ANKRD30B: variants seen among roughly 807,000 people sequenced by gnomAD.
The protein encoded by ANKRD30B is ankyrin repeat domain 30B.
ANKRD30B carries 144 observed loss-of-function variants against 202.2 expected under a neutral mutation model. The observed-to-expected ratio is 0.71, with a 90% CI of 0.62 to 0.82. The LOEUF is 0.82. Among genes scored for constraint, ANKRD30B ranks in the 40% least tolerant of loss-of-function variants. The pLI, the probability that ANKRD30B is intolerant of heterozygous loss-of-function variation, is 0.00. For missense variants in ANKRD30B, 1,487 were observed against 1,669.1 expected (o/e 0.89, Z 1.90); for synonymous variants, 508 against 561.3 (o/e 0.91, Z 1.34).
chr18:14,830,013 T>C (rs897537863), intron 33 of ANKRD30B, among the ~76,000 whole-genome samples: 8 of 152,186 alleles, frequency 5.3e-5, no homozygotes, highest in African/African-American at 1.7e-4. Context: ...GGAGCTTCAG[T>C]TGGGTTTTTG....
intron 30 of ANKRD30B, among the ~76,000 whole-genome samples, chr18:14,821,654 C>A (rs1315843368): frequency 6.6e-6 from 1 of 152,082 alleles, no homozygotes; most frequent in South Asian, 2.1e-4. Flanking sequence ...GACAGGGTTT[C>A]GCTATTTTGG....
At chr18:14,933,037 G>A in the ANKRD30B span, among the ~76,000 whole-genome samples, 3 of 152,320 alleles carry the variant, frequency 2.0e-5, no homozygotes, top group African/African-American at 7.2e-5. Context: ...TTGTTTCGTT[G>A]TGTGGCTAAG....
At chr18:14,916,297 G>A in the ANKRD30B span, among the ~76,000 whole-genome samples, 79 of 152,348 alleles carry the variant, frequency 5.2e-4, 2 homozygotes, top group East Asian at 0.014. Context: ...GGGGGCAGAT[G>A]TGTGTAGTTC....
chr18:14,910,306 C>T, the ANKRD30B span, among the ~76,000 whole-genome samples: 1 of 152,058 alleles, frequency 6.6e-6, no homozygotes, highest in African/African-American at 2.4e-5. Flanking sequence ...CACTGTTCAG[C>T]TCCCACTCAT....
rs1179692240 is a variant in ANKRD30B at position 14,757,889 on chromosome 18, T to C, written c.692T>C (p.Val231Ala). The C allele has an allele frequency of 6.2e-7, 1 of 1,613,008 alleles. No homozygotes were observed. The highest frequency in any genetic ancestry group is 2.2e-5 in the East Asian group (1 of 44,836). The stretch of plus-strand genomic sequence containing the variant: ...ATGCTTCTTCAGCAAAATGTTGACG[T>C]CTTTGCTGAAGACATACATGGAATA... ...VGMLLQQNVDVFAEDIHGITA... is the reference protein window; with the variant it reads ...VGMLLQQNVDAFAEDIHGITA... Residue 231 changes from valine (V) to alanine (A), a missense_variant, in exon 5 of 44, where the codon GTC becomes GCC. Val to Ala is a moderately conservative substitution (Grantham distance 64). Coordinates refer to ENST00000690538, the MANE Select transcript of ANKRD30B (RefSeq NM_001367607.2).
chr18:14,849,792 A>C (rs1046034375), intron 40 of ANKRD30B, among the ~76,000 whole-genome samples: 1 of 151,706 alleles, frequency 6.6e-6, no homozygotes, highest in African/African-American at 2.4e-5. Flanking sequence ...ATAAGTAGAA[A>C]TATTTATGTC....
At chr18:14,908,841 T>C in the ANKRD30B span, among the ~76,000 whole-genome samples, 2 of 152,224 alleles carry the variant, frequency 1.3e-5, no homozygotes, top group East Asian at 3.9e-4. Flanking sequence ...TATGGGAGGA[T>C]GTGGAGCTGG....
the ANKRD30B span, among the ~76,000 whole-genome samples, chr18:14,922,603 CA>C: frequency 7.1e-6 from 1 of 141,606 alleles, no homozygotes; most frequent in South Asian, 2.2e-4. Context: ...TGCAGTGAGC[CA>C]AGATCGCGCC....
chr18:14,796,300 G>C (rs752006265), intron 17 of ANKRD30B, 43 bp from the exon 18 acceptor site: 6 of 1,609,598 alleles, frequency 3.7e-6, no homozygotes, highest in Non-Finnish European at 5.1e-6. Flanking sequence ...ATTTTAGGAA[G>C]CATATATTAT....
downstream of ANKRD30B, among the ~76,000 whole-genome samples, chr18:14,858,600 T>G (rs1422924010): frequency 3.8e-5 from 4 of 106,596 alleles, no homozygotes; most frequent in Non-Finnish European, 7.8e-5. Context: ...TGCTCCTCAT[T>G]TCCCAGATGG....
intron 12 of ANKRD30B, among the ~76,000 whole-genome samples, chr18:14,783,882 C>T (rs886707486): frequency 3.9e-5 from 6 of 151,986 alleles, no homozygotes; most frequent in Admixed American, 3.9e-4. Flanking sequence ...TATATCCAAG[C>T]TGATCAATTC....
At chr18:14,875,157 G>A in the ANKRD30B span, among the ~76,000 whole-genome samples, 2 of 152,192 alleles carry the variant, frequency 1.3e-5, 1 homozygote, top group South Asian at 4.1e-4. Flanking sequence ...GCTCAAGGGA[G>A]CAGAAGAGCA....
chr18:14,783,270 C>T (rs1311382758), intron 12 of ANKRD30B, among the ~76,000 whole-genome samples: 1 of 152,086 alleles, frequency 6.6e-6, no homozygotes, highest in East Asian at 1.9e-4. Context: ...CTTGGTAATA[C>T]ACAGTATCAT....
intron 24 of ANKRD30B, among the ~76,000 whole-genome samples, chr18:14,805,811 A>C (rs535239599): frequency 6.7e-6 from 1 of 149,978 alleles, no homozygotes; most frequent in Non-Finnish European, 1.5e-5. Context: ...CTCAGCGTAT[A>C]CATATTGGCA....
chr18:14,749,165 C>T (rs553200175), intron 1 of ANKRD30B, among the ~76,000 whole-genome samples: 71 of 152,248 alleles, frequency 4.7e-4, no homozygotes, highest in Non-Finnish European at 9.7e-4. Context: ...TAGAAGGAAA[C>T]TTCGAGGTGG....
At position 14,831,193 on chromosome 18, in the gene ANKRD30B, A is replaced by C. The variant is rs537428599; in HGVS notation, c.2775-190A>C. 2.0e-4 allele frequency among the ~76,000 whole-genome samples: 30 copies of C among 151,016 alleles called. 1 individual carries two copies. The highest frequency in any genetic ancestry group is 1.7e-3 in the Admixed American group (26 of 15,202). ...AGACTCCGTCTCGGAAAAAAAAAAAAAAAAAAACGAAAACCAGATGGCATA... is the reference window on the plus strand; with the variant it reads ...AGACTCCGTCTCGGAAAAAAAAAAACAAAAAAACGAAAACCAGATGGCATA... On this transcript the variant is annotated intron_variant, in intron 33 of 43. Transcript: ENST00000690538.
chr18:14,886,873 A>T, the ANKRD30B span, among the ~76,000 whole-genome samples: 1 of 152,114 alleles, frequency 6.6e-6, no homozygotes, highest in South Asian at 2.1e-4. Flanking sequence ...AGTTCAGAAT[A>T]CCATTCATGC....
rs867520788 is a variant in ANKRD30B at position 14,791,994 on chromosome 18, G to A, written c.1825+503G>A. Among the ~76,000 whole-genome samples, 16 of 152,240 alleles carry A rather than the reference G, an allele frequency of 1.1e-4. No homozygotes were observed. In the South Asian group the frequency reaches 2.5e-3, roughly 24 times the overall value. On this transcript the variant is annotated intron_variant, in intron 16 of 43. Transcript: ENST00000690538. ...TTTCTCACTGGTGGGAAGCCATTAG[G>A]GATGGAAGCAGCTGACCATGGAGAG...
intron 14 of ANKRD30B, among the ~76,000 whole-genome samples, chr18:14,786,044 C>A (rs1159773939): frequency 9.8e-4 from 71 of 72,754 alleles, no homozygotes; most frequent in African/African-American, 1.8e-3. Context: ...GACTCCGTCT[C>A]AAAAAAAAAA....
Sources: gnomAD v4.1 joint callset for allele counts (sites outside exome capture counted in the v4.1 genomes callset) on GRCh38, gnomAD v4.1.1 for gene constraint, MANE v1.5 for transcripts, NCBI Gene and HGNC (gene_info 2026-07-23, HGNC 2026-07-21) for gene names.